The following CSMD1 variants were observed in gnomAD, a reference collection of about 807,000 sequenced individuals.
CSMD1 encodes the protein CUB and Sushi multiple domains 1, also known as CUB and sushi domain-containing protein 1.
In CSMD1, 213 loss-of-function variants were observed where a neutral mutation model predicts 417.5. The observed-to-expected ratio is 0.51, with a 90% CI of 0.46 to 0.57. CSMD1 has a LOEUF of 0.57. Ranked by LOEUF, CSMD1 falls within the 20% of genes least tolerant of loss-of-function variation. The probability of loss-of-function intolerance (pLI) is 0.00; values close to 1 mark genes in which losing one functional copy is unlikely to be tolerated. For synonymous variants in CSMD1, 2,862 were observed against 1,736.8 expected (o/e 1.65, Z -16.11); for missense variants, 6,923 against 4,529.7 (o/e 1.53, Z -15.17).
At chr8:4,879,055 A>G (rs1274366595) in intron 1 of CSMD1, among the ~76,000 whole-genome samples, 1 of 152,026 alleles carries the variant, frequency 6.6e-6, no homozygotes, top group Admixed American at 6.6e-5. Flanking sequence ...GGGTTAAGGT[A>G]GTAAGACTTG....
intron 2 of CSMD1, among the ~76,000 whole-genome samples, chr8:4,617,321 A>T (rs1187450860): frequency 1.3e-5 from 2 of 152,212 alleles, no homozygotes; most frequent in Non-Finnish European, 2.9e-5. Context: ...ATAACCAAAA[A>T]TATTCAAGTT....
intron 5 of CSMD1, among the ~76,000 whole-genome samples, chr8:3,821,131 T>C (rs555427750): frequency 1.3e-5 from 2 of 152,198 alleles, no homozygotes; most frequent in African/African-American, 2.4e-5. Context: ...TAAGCCAGGC[T>C]GGTCTCGAAC....
intron 48 of CSMD1, among the ~76,000 whole-genome samples, chr8:3,090,186 G>A (rs1409698450): frequency 2.6e-5 from 4 of 151,736 alleles, no homozygotes; most frequent in Non-Finnish European, 5.9e-5. Flanking sequence ...GCGCGGTGGC[G>A]GGCGCCTGTA....
intron 3 of CSMD1, among the ~76,000 whole-genome samples, chr8:4,381,647 A>T (rs1307407533): frequency 6.6e-6 from 1 of 152,114 alleles, no homozygotes; most frequent in African/African-American, 2.4e-5. Flanking sequence ...GTAGGCAACC[A>T]TCCCCCAACC....
At chr8:4,372,840 C>G (rs1482977724) in intron 3 of CSMD1, among the ~76,000 whole-genome samples, 1 of 152,068 alleles carries the variant, frequency 6.6e-6, no homozygotes, top group Non-Finnish European at 1.5e-5. Flanking sequence ...AGCCCAATTT[C>G]CAGTGCAGAA....
At chr8:3,574,378 T>C (rs1264040702) in intron 10 of CSMD1, among the ~76,000 whole-genome samples, 1 of 152,162 alleles carries the variant, frequency 6.6e-6, no homozygotes. Context: ...ATAGCTGGGA[T>C]GACAGGTGCC....
In CSMD1 at chr8:3,769,631, C is replaced by CT. The variant is rs1191071821; in HGVS notation, c.819-15590dup. On this transcript the variant is annotated intron_variant, in intron 5 of 69. Coordinates refer to ENST00000635120, the MANE Select transcript of CSMD1 (RefSeq NM_033225.6). ...CTATTTATACATCATTTAAAATCCA[C>CT]TTTTTTCCATTAAGAGAATGTTATA... Among the ~76,000 whole-genome samples, 3 of 152,050 alleles carry CT rather than the reference C, an allele frequency of 2.0e-5. No individual in the cohort carries two copies. The South Asian group carries it at 6.2e-4, about 32-fold the overall frequency.
chr8:4,223,811 C>A (rs999873935), intron 3 of CSMD1, among the ~76,000 whole-genome samples: 4 of 152,150 alleles, frequency 2.6e-5, no homozygotes, highest in African/African-American at 9.7e-5. Context: ...CAATAACAAC[C>A]AGTGAAACTG....
intron 3 of CSMD1, among the ~76,000 whole-genome samples, chr8:4,131,674 T>C (rs994111288): frequency 6.6e-6 from 1 of 152,024 alleles, no homozygotes; most frequent in Non-Finnish European, 1.5e-5. Context: ...TTAGATAGAC[T>C]TCATTTATTG....
Position 3,429,035 on chromosome 8 carries a change from G to A in CSMD1, c.1562-19430C>T, listed in dbSNP as rs915283226. 2.0e-5 allele frequency among the ~76,000 whole-genome samples: 3 copies of A among 152,140 alleles called. 1 individual carries two copies. Among genetic ancestry groups the A allele is most frequent in the South Asian group, 4.1e-4 (2 of 4,828 alleles). ...GGAATGGTGGTTACCAGAGACTGGG[G>A]GAGGCAGGAGGACAGGAATGGGGAG... On this transcript the variant is annotated intron_variant, in intron 12 of 69. Transcript: ENST00000635120.
intron 3 of CSMD1, among the ~76,000 whole-genome samples, chr8:4,344,707 G>C (rs1866271): frequency 0.57 from 86,253 of 151,822 alleles, 27,271 homozygotes; most frequent in African/African-American, 0.87. Context: ...AAAATAAAAA[G>C]GCATATCCAT....
At chr8:4,917,949 T>C (rs575072870) in intron 1 of CSMD1, among the ~76,000 whole-genome samples, 31 of 152,308 alleles carry the variant, frequency 2.0e-4, no homozygotes, top group African/African-American at 7.5e-4. Context: ...ACAGAAAATA[T>C]GCTAAGGTCT....
chr8:3,290,825 C>G (rs142429863), intron 25 of CSMD1, among the ~76,000 whole-genome samples: 2,617 of 147,218 alleles, frequency 0.018, 126 homozygotes, highest in African/African-American at 0.067. Context: ...ATTTCTTTCT[C>G]GTGCCTAATT....
intron 2 of CSMD1, among the ~76,000 whole-genome samples, chr8:4,521,704 A>G (rs2130399333): frequency 6.6e-6 from 1 of 152,326 alleles, no homozygotes; most frequent in African/African-American, 2.4e-5. Context: ...CTCCTCTGGT[A>G]TAAGCCAAAC....
At chr8:4,317,053 C>A (rs1358933484) in intron 3 of CSMD1, among the ~76,000 whole-genome samples, 1 of 152,142 alleles carries the variant, frequency 6.6e-6, no homozygotes, top group African/African-American at 2.4e-5. Flanking sequence ...TGAAAACATA[C>A]AAGCCCTGTG....
chr8:3,892,665 C>A (rs1406849846), intron 5 of CSMD1, among the ~76,000 whole-genome samples: 14 of 150,038 alleles, frequency 9.3e-5, no homozygotes, highest in Non-Finnish European at 2.1e-4. Context: ...TTTTTGGAGA[C>A]TGGGTTCAAG....
At chr8:4,477,034 G>A (rs550189155) in intron 2 of CSMD1, among the ~76,000 whole-genome samples, 7 of 152,308 alleles carry the variant, frequency 4.6e-5, no homozygotes, top group South Asian at 2.1e-4. Context: ...TTTCCCTCCC[G>A]CAGGGCTGGT....
Position 4,085,059 on chromosome 8 carries a change from T to G in CSMD1, c.416-52960A>C, listed in dbSNP as rs147797457. On this transcript the variant is annotated intron_variant, in intron 3 of 69. Transcript: ENST00000635120. ...AATTCTAAAGTTCATAAGCAATATG[T>G]TGCCAAAGGAAGTGAATGTGTTTAT... Among the ~76,000 whole-genome samples, 5 of 152,302 alleles carry G rather than the reference T, an allele frequency of 3.3e-5. No individual in the cohort carries two copies. In the East Asian group the frequency reaches 9.7e-4, roughly 29 times the overall value.
chr8:4,103,767 C>T (rs1251370669), intron 3 of CSMD1, among the ~76,000 whole-genome samples: 2 of 152,126 alleles, frequency 1.3e-5, no homozygotes, highest in East Asian at 1.9e-4. Flanking sequence ...TCTTATATTA[C>T]AAAAGTTACC....
Sources: allele counts gnomAD v4.1 joint callset (sites outside exome capture counted in the v4.1 genomes callset), GRCh38; gene constraint gnomAD v4.1.1; transcripts MANE v1.5; gene names NCBI Gene and HGNC (gene_info 2026-07-23, HGNC 2026-07-21).